NCOR1: variants seen among roughly 807,000 people sequenced by gnomAD.
NCOR1 encodes the protein nuclear receptor corepressor 1, also known as protein phosphatase 1, regulatory subunit 109.
Under a neutral mutation model 288.1 loss-of-function variants are expected in NCOR1, and 63 were observed. The ratio of observed to expected loss-of-function variants is 0.22; its 90% CI spans 0.18 to 0.27. The LOEUF (loss-of-function observed/expected upper bound fraction) is 0.27. Among genes scored for constraint, NCOR1 ranks in the 10% least tolerant of loss-of-function variants. NCOR1 has a pLI of 1.00. For synonymous variants in NCOR1, 1,007 were observed against 1,065.9 expected, an observed-to-expected ratio of 0.94 and a Z score of 1.08; for missense variants, 2,397 against 3,019.2, an observed-to-expected ratio of 0.79 and a Z score of 4.83.
chr17:16,126,747 G>A (rs1304778427), intron 14 of NCOR1, among the ~76,000 whole-genome samples: 1 of 152,166 alleles, frequency 6.6e-6, no homozygotes, highest in East Asian at 1.9e-4. Flanking sequence ...AAGGTGAAAA[G>A]AAGTAAAATG....
At chr17:16,178,211 T>A (rs1189981414) in intron 3 of NCOR1, among the ~76,000 whole-genome samples, 1 of 128,684 alleles carries the variant, frequency 7.8e-6, no homozygotes, top group African/African-American at 3.0e-5. Flanking sequence ...CTCAAAAAAA[T>A]AAAATAGGCC....
At chr17:16,177,833 A>G (rs758139702) in intron 3 of NCOR1, among the ~76,000 whole-genome samples, 4 of 152,210 alleles carry the variant, frequency 2.6e-5, no homozygotes, top group African/African-American at 4.8e-5. Context: ...AATTTTCTCC[A>G]ATCAAAGAAT....
chr17:16,170,773 G>A (rs552608000), intron 4 of NCOR1, among the ~76,000 whole-genome samples: 11 of 151,528 alleles, frequency 7.3e-5, no homozygotes, highest in South Asian at 2.1e-4. Flanking sequence ...CCCGGGAGGC[G>A]GAGATTGCAG....
In NCOR1 at chr17:16,191,590, TA is replaced by T. The variant is rs35992976; in HGVS notation, c.108+2871del. On this transcript the variant is annotated intron_variant, in intron 2 of 45. Transcript: ENST00000268712. The stretch of plus-strand genomic sequence containing the variant: ...CATAGCAAAATGAAGCTAATGGATT[TA>T]AAAAAAATAAAATAAAAACAGGGAA... 8.8e-4 allele frequency among the ~76,000 whole-genome samples: 133 copies of T among 151,206 alleles called. 4 individuals carry two copies. The highest frequency in any genetic ancestry group is 3.1e-3 in the African/African-American group (129 of 41,204).
chr17:16,201,953 G>A (rs374887730), intron 1 of NCOR1, among the ~76,000 whole-genome samples: 4 of 152,196 alleles, frequency 2.6e-5, no homozygotes, highest in South Asian at 2.1e-4. Flanking sequence ...ACGGCTGGGC[G>A]CGGTGGCTCA....
chr17:16,104,293 T>A (rs1194126900), intron 19 of NCOR1, among the ~76,000 whole-genome samples: 1 of 152,222 alleles, frequency 6.6e-6, no homozygotes, highest in Non-Finnish European at 1.5e-5. Context: ...AAATATTTTT[T>A]AATTGTATAT....
chr17:16,080,740 CA>C lies in NCOR1; in HGVS notation c.3178-14del, dbSNP rs763446181. The C allele has an allele frequency of 6.1e-5, 95 of 1,564,946 alleles. No homozygotes were observed. The highest frequency in any genetic ancestry group is 1.3e-4 in the South Asian group (11 of 83,328). ...TGCCTGGTGTTCCCTAAGAAAAAAA[CA>C]AAAAAAAATTTAAAGATTAAGCAAA... On this transcript the variant is annotated splice_polypyrimidine_tract_variant and intron_variant, in intron 23 of 45. Transcript: ENST00000268712.
intron 44 of NCOR1, chr17:16,039,197 T>G (rs1441635988): frequency 1.9e-6 from 1 of 513,094 alleles, no homozygotes; most frequent in Non-Finnish European, 3.5e-6. Context: ...AAATAAAAAA[T>G]GGACATCCCA....
At position 16,031,898 on chromosome 17, in the gene NCOR1, G is replaced by A. The variant is rs772405306; in HGVS notation, c.*398C>T. The A allele has an allele frequency of 1.7e-5, 4 of 237,796 alleles. No individual in the cohort carries two copies. Among genetic ancestry groups the A allele is most frequent in the East Asian group, 6.0e-5 (1 of 16,586 alleles). 14.7% of individuals were successfully genotyped at this position (237,796 alleles called of 1,614,324 possible). On this transcript the variant is annotated 3_prime_UTR_variant, in exon 46 of 46. Coordinates refer to ENST00000268712, the MANE Select transcript of NCOR1 (RefSeq NM_006311.4). Reference sequence around the variant, plus strand: ...TTTAAAAATCACCCCCAAAGTTGATGCGCTGATTTGAACATAAGTACACCA... The same window carrying A: ...TTTAAAAATCACCCCCAAAGTTGATACGCTGATTTGAACATAAGTACACCA...
At chr17:16,034,722 T>C (rs764309118) in intron 45 of NCOR1, 43 bp downstream of exon 45, 7 of 1,516,314 alleles carry the variant, frequency 4.6e-6, no homozygotes, top group Non-Finnish European at 4.5e-6. Flanking sequence ...GACATTGATA[T>C]TATTGCTCTG....
chr17:16,091,215 T>C (rs2065123941), intron 22 of NCOR1, among the ~76,000 whole-genome samples: 1 of 152,246 alleles, frequency 6.6e-6, no homozygotes, highest in Admixed American at 6.5e-5. Flanking sequence ...ACAGTACTAA[T>C]ACACTAATTA....
chr17:16,131,202 A>C (rs145109109), intron 14 of NCOR1, among the ~76,000 whole-genome samples: 10 of 147,270 alleles, frequency 6.8e-5, no homozygotes, highest in Non-Finnish European at 1.5e-4. Flanking sequence ...CAGTTTTTTA[A>C]CTTTTTGTAT....
At chr17:16,099,150 G>A (rs573717232) in intron 20 of NCOR1, among the ~76,000 whole-genome samples, 14 of 152,228 alleles carry the variant, frequency 9.2e-5, no homozygotes, top group African/African-American at 3.1e-4. Context: ...TCCAGCAGCC[G>A]CCACCCCGCT....
rs199713999 is a variant in NCOR1, at chr17:16,143,592, A to G, written c.1173+14T>C. 3.5e-3 allele frequency: 5,599 copies of G among 1,597,290 alleles called. 217 individuals are homozygous for G. The South Asian group carries it at 0.059, about 17-fold the overall frequency. On this transcript the variant is annotated intron_variant, in intron 11 of 45. Transcript: ENST00000268712. ...TAATTAACGAATTAACTTGAATTAAATTTATTTTCTTACCTCCTGCTCAGA... is the reference window on the plus strand; with the variant it reads ...TAATTAACGAATTAACTTGAATTAAGTTTATTTTCTTACCTCCTGCTCAGA...
chr17:16,102,884 G>A (rs903397514), intron 19 of NCOR1, among the ~76,000 whole-genome samples: 4 of 152,214 alleles, frequency 2.6e-5, no homozygotes, highest in East Asian at 1.9e-4. Context: ...ATAGGCCACC[G>A]CACCCAGCCT....
At chr17:16,072,096 GC>G in intron 29 of NCOR1, 48 bp downstream of exon 29, 1 of 1,366,414 alleles carries the variant, frequency 7.3e-7, no homozygotes, top group South Asian at 1.3e-5. Context: ...AAACTATTTT[GC>G]CAGGGAGGCA....
At chr17:16,125,987 T>C in intron 15 of NCOR1, 95 bp downstream of exon 15, 1 of 657,326 alleles carries the variant, frequency 1.5e-6, no homozygotes, top group South Asian at 3.2e-5. Flanking sequence ...CTATGCAATA[T>C]ATCCATGTGA....
At chr17:16,090,106 C>T (rs957918720) in intron 22 of NCOR1, among the ~76,000 whole-genome samples, 1 of 152,052 alleles carries the variant, frequency 6.6e-6, no homozygotes, top group Non-Finnish European at 1.5e-5. Context: ...TTTGGAGTCT[C>T]AGAATTTGGG....
At chr17:16,092,559 A>G (rs1235406563) in intron 21 of NCOR1, among the ~76,000 whole-genome samples, 1 of 148,314 alleles carries the variant, frequency 6.7e-6, no homozygotes, top group Non-Finnish European at 1.5e-5. Context: ...ATTACAACAC[A>G]TCTGTCTGAT....
Sources: allele counts gnomAD v4.1 joint callset (sites outside exome capture counted in the v4.1 genomes callset), GRCh38; gene constraint gnomAD v4.1.1; transcripts MANE v1.5; gene names NCBI Gene and HGNC (gene_info 2026-07-23, HGNC 2026-07-21).